KLHL29: variants seen among roughly 807,000 people sequenced by gnomAD.
KLHL29 encodes kelch like family member 29.
KLHL29 carries 21 observed loss-of-function variants against 80.4 expected under a neutral mutation model. The ratio of observed to expected loss-of-function variants is 0.26; its 90% confidence interval spans 0.19 to 0.38. The LOEUF is 0.38. KLHL29 is among the 10% of genes least tolerant of loss of function. The pLI is 1.00. For missense variants in KLHL29, 867 were observed against 1,223.9 expected (o/e 0.71, Z 4.35); for synonymous variants, 511 against 526.8 (o/e 0.97, Z 0.41).
intron 3 of KLHL29, among the ~76,000 whole-genome samples, chr2:23,615,572 G>A (rs899547347): frequency 3.3e-5 from 5 of 152,114 alleles, no homozygotes; most frequent in African/African-American, 1.2e-4. Flanking sequence ...GTGGACCTGC[G>A]AGCCGGGCCG....
chr2:23,548,047 T>C (rs987946529), intron 2 of KLHL29, among the ~76,000 whole-genome samples: 3 of 142,390 alleles, frequency 2.1e-5, no homozygotes, highest in Admixed American at 7.3e-5. Flanking sequence ...TCAGCAGACA[T>C]CAGTGGAACC....
intron 3 of KLHL29, among the ~76,000 whole-genome samples, chr2:23,632,568 G>T (rs893937748): frequency 5.3e-5 from 8 of 152,256 alleles, no homozygotes; most frequent in Non-Finnish European, 1.0e-4. Flanking sequence ...CCTGGAGCTC[G>T]TAGCTGGTGT....
At chr2:23,702,457 C>T (rs1672460412) in intron 11 of KLHL29, among the ~76,000 whole-genome samples, 1 of 152,138 alleles carries the variant, frequency 6.6e-6, no homozygotes, top group Non-Finnish European at 1.5e-5. Context: ...TCAAAAAATC[C>T]TAAGTCGGGG....
At chr2:23,572,247 A>G (rs1262208825) in intron 3 of KLHL29, among the ~76,000 whole-genome samples, 1 of 152,188 alleles carries the variant, frequency 6.6e-6, no homozygotes, top group Non-Finnish European at 1.5e-5. Context: ...CTCATGCCCT[A>G]GGGCCTTTGC....
chr2:23,440,577 C>T (rs1663486105), intron 1 of KLHL29, among the ~76,000 whole-genome samples: 1 of 152,140 alleles, frequency 6.6e-6, no homozygotes, highest in African/African-American at 2.4e-5. Flanking sequence ...ACAACCTACT[C>T]ATCTGACAAA....
At position 23,468,461 on chromosome 2, in the gene KLHL29, G is replaced by A. The variant is rs186624098; in HGVS notation, c.-153-7099G>A. Among the ~76,000 whole-genome samples, 43 of 152,284 alleles carry A rather than the reference G, an allele frequency of 2.8e-4. 1 individual carries two copies. In the East Asian group the frequency reaches 7.9e-3, roughly 28 times the overall value. ...CTAATAGCCCACCTTGTTTTACCCT[G>A]TGAAGCCATTCTGTTCCCATCATTC... On this transcript the variant is annotated intron_variant, in intron 1 of 13. Transcript: ENST00000486442.
At chr2:23,468,321 T>G (rs527816913) in intron 1 of KLHL29, among the ~76,000 whole-genome samples, 2 of 152,094 alleles carry the variant, frequency 1.3e-5, no homozygotes, top group East Asian at 3.9e-4. Flanking sequence ...GAGACTAGGA[T>G]GGAAACCCAA....
intron 1 of KLHL29, among the ~76,000 whole-genome samples, chr2:23,447,316 T>C (rs1410418926): frequency 2.0e-5 from 3 of 152,178 alleles, no homozygotes; most frequent in African/African-American, 7.2e-5. Flanking sequence ...CCAGTGCCCA[T>C]TGAACTTGTG....
intron 1 of KLHL29, among the ~76,000 whole-genome samples, chr2:23,397,990 A>G (rs1024460349): frequency 6.6e-5 from 10 of 152,046 alleles, no homozygotes; most frequent in South Asian, 2.1e-4. Context: ...AGAAACTGCA[A>G]CCCTTATGCA....
intron 1 of KLHL29, among the ~76,000 whole-genome samples, chr2:23,441,493 ATAAT>A (rs1413500430): frequency 2.0e-5 from 3 of 149,032 alleles, no homozygotes; most frequent in African/African-American, 7.7e-5. Flanking sequence ...AATAATAATA[ATAAT>A]TAATAATAAA....
At chr2:23,528,911 C>G (rs1371080375) in intron 2 of KLHL29, among the ~76,000 whole-genome samples, 3 of 152,222 alleles carry the variant, frequency 2.0e-5, no homozygotes, top group African/African-American at 4.8e-5. Context: ...AGAACCGAGT[C>G]TGCAAGTTGG....
At chr2:23,471,081 T>A (rs1401837583) in intron 1 of KLHL29, among the ~76,000 whole-genome samples, 1 of 152,146 alleles carries the variant, frequency 6.6e-6, no homozygotes, top group African/African-American at 2.4e-5. Context: ...GACAGGAGGG[T>A]GGGCTCGGGA....
chr2:23,661,740 G>A (rs1558428888), intron 5 of KLHL29, among the ~76,000 whole-genome samples: 1 of 152,270 alleles, frequency 6.6e-6, no homozygotes, highest in Non-Finnish European at 1.5e-5. Flanking sequence ...GAAGAGAGAT[G>A]ATGAGTCACT....
intron 2 of KLHL29, among the ~76,000 whole-genome samples, chr2:23,502,481 T>A (rs970000036): frequency 6.6e-6 from 1 of 152,182 alleles, no homozygotes; most frequent in Non-Finnish European, 1.5e-5. Flanking sequence ...GGCCCCAGAT[T>A]TTCTGGCCCC....
chr2:23,639,040 T>C, intron 3 of KLHL29, 99 bp from the exon 4 acceptor site: 1 of 1,212,282 alleles, frequency 8.2e-7, no homozygotes. Context: ...CTTAGGCAAC[T>C]GGAGTCTTGT....
At chr2:23,634,279 G>T (rs1213049497) in intron 3 of KLHL29, among the ~76,000 whole-genome samples, 1 of 152,210 alleles carries the variant, frequency 6.6e-6, no homozygotes, top group African/African-American at 2.4e-5. Context: ...AGGGCTGTGG[G>T]TGCTGGCATC....
chr2:23,588,170 AGT>A (rs1668165237), intron 3 of KLHL29, among the ~76,000 whole-genome samples: 1 of 152,170 alleles, frequency 6.6e-6, no homozygotes, highest in Non-Finnish European at 1.5e-5. Context: ...GGGTGGTGCC[AGT>A]GCCTGCTCCT....
chr2:23,421,253 C>T (rs1259739877), intron 1 of KLHL29, among the ~76,000 whole-genome samples: 6 of 152,218 alleles, frequency 3.9e-5, no homozygotes, highest in East Asian at 1.9e-4. Context: ...TGGTGTCTCC[C>T]GGCATGGCCT....
At chr2:23,507,315 G>A (rs1333210153) in intron 2 of KLHL29, 9 of 196,024 alleles carry the variant, frequency 4.6e-5, no homozygotes, top group East Asian at 1.5e-4. Context: ...AAGGAGCAGG[G>A]CCCATTTCAG....
Sources: allele counts gnomAD v4.1 joint callset (sites outside exome capture counted in the v4.1 genomes callset), GRCh38; gene constraint gnomAD v4.1.1; transcripts MANE v1.5; gene names NCBI Gene and HGNC (gene_info 2026-07-23, HGNC 2026-07-21).